The following ZNF236 variants were observed in gnomAD, a reference collection of about 807,000 sequenced individuals.
The protein encoded by ZNF236 is zinc finger protein 236.
In ZNF236, 50 loss-of-function variants were observed where a neutral mutation model predicts 191.2. The ratio of observed to expected loss-of-function variants is 0.26; its 90% CI spans 0.21 to 0.33. The LOEUF is 0.33. Ranked by LOEUF, ZNF236 falls within the 10% of genes least tolerant of loss-of-function variation. The probability of loss-of-function intolerance (pLI) is 1.00; values close to 1 mark genes in which losing one functional copy is unlikely to be tolerated. For synonymous variants in ZNF236, 907 were observed against 928.8 expected (o/e 0.98, Z 0.43); for missense variants, 1,754 against 2,374.5 (o/e 0.74, Z 5.43).
chr18:76,830,832 T>C (rs1395763517), intron 1 of ZNF236, among the ~76,000 whole-genome samples: 6 of 152,260 alleles, frequency 3.9e-5, no homozygotes, highest in African/African-American at 1.4e-4. Context: ...TCTATACTAA[T>C]ACAGTTTTTA....
chr18:76,912,273 A>C lies in ZNF236; in HGVS notation c.2835A>C (p.Gln945His). 6.2e-7 allele frequency: 1 copy of C among 1,614,226 alleles called. No homozygotes were observed. Among genetic ancestry groups the C allele is most frequent in the Non-Finnish European group, 8.5e-7 (1 of 1,180,032 alleles). ...VTTRLIQESS[Q>H]EELDLQAQGS... ...CTCGCTTGATTCAGGAGTCATCCCA[A>C]GAGGAACTGGACCTGCAGGCACAAG... The change falls in exon 17 of 31, where the codon CAA (glutamine) becomes CAC (histidine). Residue 945 changes from glutamine (Q) to histidine (H), a missense_variant. Gln to His is a conservative substitution (Grantham distance 24). This residue lies in a region of ZNF236 where 641 missense variants were observed against 869.6 expected (regional missense o/e 0.74). Coordinates refer to ENST00000320610, the MANE Select transcript of ZNF236 (RefSeq NM_001306089.2).
At chr18:76,842,934 A>G (rs912303553) in intron 1 of ZNF236, among the ~76,000 whole-genome samples, 9 of 152,216 alleles carry the variant, frequency 5.9e-5, no homozygotes, top group African/African-American at 1.2e-4. Flanking sequence ...GGCTCTCCCA[A>G]CTTCTCAGTG....
In ZNF236 at chr18:76,963,217, A is replaced by G. The variant is rs146547472; in HGVS notation, c.5419+2362A>G. ...ATATTATGTTGGCTGTGGGTTTGTCATAGATGGCTTTTATTATTGAGGTAT... is the reference window on the plus strand; with the variant it reads ...ATATTATGTTGGCTGTGGGTTTGTCGTAGATGGCTTTTATTATTGAGGTAT... On this transcript the variant is annotated intron_variant, in intron 30 of 30. Coordinates refer to ENST00000320610, the MANE Select transcript of ZNF236 (RefSeq NM_001306089.2). 3.7e-3 allele frequency among the ~76,000 whole-genome samples: 570 copies of G among 152,306 alleles called. 6 individuals are homozygous for G. The highest frequency in any genetic ancestry group is 0.013 in the African/African-American group (541 of 41,570).
chr18:76,907,788 G>T (rs1454307393), intron 13 of ZNF236, among the ~76,000 whole-genome samples: 3 of 151,584 alleles, frequency 2.0e-5, no homozygotes, highest in Non-Finnish European at 4.4e-5. Context: ...ATGAATGCTG[G>T]ATACACTTTG....
intron 29 of ZNF236, 34 bp downstream of exon 29, chr18:76,959,850 T>A: frequency 6.2e-7 from 1 of 1,602,868 alleles, no homozygotes; most frequent in Non-Finnish European, 8.5e-7. Flanking sequence ...GTTTCCTTAC[T>A]CTTTGAAGTA....
chr18:76,865,214 G>A (rs1046384391), intron 3 of ZNF236, among the ~76,000 whole-genome samples: 4 of 152,148 alleles, frequency 2.6e-5, no homozygotes, highest in Non-Finnish European at 4.4e-5. Flanking sequence ...GCGGGTGCCT[G>A]TAGTCCCAGG....
intron 26 of ZNF236, among the ~76,000 whole-genome samples, chr18:76,947,316 A>G (rs1216205254): frequency 6.6e-6 from 1 of 151,924 alleles, no homozygotes; most frequent in Non-Finnish European, 1.5e-5. Context: ...TTTTTTGGCT[A>G]TGGGTAATTC....
chr18:76,862,555 T>C (rs1393761668), intron 3 of ZNF236, among the ~76,000 whole-genome samples: 9 of 152,120 alleles, frequency 5.9e-5, no homozygotes, highest in Non-Finnish European at 1.3e-4. Context: ...AGTCTATCTT[T>C]GGAAGCCCGG....
At chr18:76,884,948 G>GT (rs1453465969) in intron 9 of ZNF236, 1 of 152,150 alleles carries the variant, frequency 6.6e-6, no homozygotes, top group Non-Finnish European at 1.5e-5. Flanking sequence ...AAAATCCTCA[G>GT]TAAGTGTACT....
intron 28 of ZNF236, 42 bp downstream of exon 28, chr18:76,956,224 C>T (rs1352648252): frequency 2.9e-5 from 44 of 1,536,516 alleles, no homozygotes; most frequent in African/African-American, 6.9e-5. Flanking sequence ...GCCCCCCAGG[C>T]GGCTAGAGAT....
rs368452407 is a variant in ZNF236 at position 76,971,775 on chromosome 18, T to A, written c.*3436T>A. Among the ~76,000 whole-genome samples, 1 of 152,362 alleles carries A rather than the reference T, an allele frequency of 6.6e-6. No homozygotes were observed. Among genetic ancestry groups the A allele is most frequent in the South Asian group, 2.1e-4 (1 of 4,828 alleles). ...TGGAAATATTCAAGATAAAATAGTT[T>A]GGCATGTAAATCAATTTCAAGATTT... On this transcript the variant is annotated 3_prime_UTR_variant, in exon 31 of 31. Transcript: ENST00000320610.
At chr18:76,907,485 C>T (rs966209398) in intron 13 of ZNF236, among the ~76,000 whole-genome samples, 3 of 152,102 alleles carry the variant, frequency 2.0e-5, no homozygotes, top group African/African-American at 7.2e-5. Context: ...TGCACCCCTG[C>T]ACCTGGCTAA....
At chr18:76,934,317 C>T (rs1433409938) in intron 25 of ZNF236, among the ~76,000 whole-genome samples, 1 of 152,234 alleles carries the variant, frequency 6.6e-6, no homozygotes, top group East Asian at 1.9e-4. Flanking sequence ...TCCCAACATC[C>T]ATTCCCAAAT....
intron 26 of ZNF236, among the ~76,000 whole-genome samples, chr18:76,941,190 G>T (rs1407666630): frequency 1.3e-5 from 2 of 152,188 alleles, no homozygotes; most frequent in Non-Finnish European, 2.9e-5. Flanking sequence ...GGTTCTCCAA[G>T]CAGGTTCTTG....
At chr18:76,901,453 T>G (rs1050365708) in intron 11 of ZNF236, among the ~76,000 whole-genome samples, 28 of 152,128 alleles carry the variant, frequency 1.8e-4, no homozygotes, top group Admixed American at 1.8e-3. Flanking sequence ...TAGTAAAAGA[T>G]CATCTTCTCC....
At chr18:76,916,909 A>G (rs1599391711) in intron 19 of ZNF236, among the ~76,000 whole-genome samples, 1 of 152,184 alleles carries the variant, frequency 6.6e-6, no homozygotes. Context: ...CTCTCAAGGT[A>G]CTGCCCCCTC....
intron 1 of ZNF236, among the ~76,000 whole-genome samples, chr18:76,829,962 C>T (rs561163469): frequency 1.3e-5 from 2 of 152,320 alleles, no homozygotes; most frequent in African/African-American, 4.8e-5. Flanking sequence ...CCTCCGTCTC[C>T]CGGGTTCAAG....
intron 9 of ZNF236, among the ~76,000 whole-genome samples, chr18:76,892,940 C>T (rs544445517): frequency 3.3e-4 from 50 of 152,326 alleles, no homozygotes; most frequent in Admixed American, 2.5e-3. Context: ...TCTAGCTTTC[C>T]GGATCTTTCC....
chr18:76,961,420 A>ATAT (rs1968665217), intron 30 of ZNF236, among the ~76,000 whole-genome samples: 1 of 149,116 alleles, frequency 6.7e-6, no homozygotes, highest in Non-Finnish European at 1.5e-5. Context: ...TATGTATATA[A>ATAT]ATACCACAGT....
Sources: allele counts gnomAD v4.1 joint callset (sites outside exome capture counted in the v4.1 genomes callset), GRCh38; gene constraint gnomAD v4.1.1; regional missense constraint gnomAD v4.1.1; transcripts MANE v1.5; gene names NCBI Gene and HGNC (gene_info 2026-07-23, HGNC 2026-07-21).